Variants in KLF7 observed in about 807,000 individuals in gnomAD.
The protein encoded by KLF7 is KLF transcription factor 7.
In KLF7, 2 loss-of-function variants were observed where a neutral mutation model predicts 27.3. The ratio of observed to expected loss-of-function variants is 0.07; its 90% CI spans 0.03 to 0.23. KLF7 has a LOEUF of 0.23. Ranked by LOEUF, KLF7 falls within the 10% of genes least tolerant of loss-of-function variation. The pLI, the probability that KLF7 is intolerant of heterozygous loss-of-function variation, is 1.00. For missense variants in KLF7, 221 were observed against 394.1 expected (o/e 0.56, Z 3.72); for synonymous variants, 165 against 162.4 (o/e 1.02, Z -0.12).
chr2:207,117,068 G>A (rs904177178), intron 2 of KLF7, among the ~76,000 whole-genome samples: 14 of 152,042 alleles, frequency 9.2e-5, no homozygotes, highest in African/African-American at 3.4e-4. Context: ...CTTTCTCCTC[G>A]ATTCTTATTT....
upstream of KLF7, among the ~76,000 whole-genome samples, chr2:207,168,564 T>G (rs1458865695): frequency 6.6e-6 from 1 of 152,186 alleles, no homozygotes; most frequent in African/African-American, 2.4e-5. Context: ...AGTCAGTGTG[T>G]GTTTACAAAA....
upstream of KLF7, among the ~76,000 whole-genome samples, chr2:207,167,861 C>CT (rs2078753336): frequency 6.6e-6 from 1 of 152,214 alleles, no homozygotes; most frequent in East Asian, 1.9e-4. Context: ...AGCATAGTAT[C>CT]TGACACTATT....
intron 1 of KLF7, among the ~76,000 whole-genome samples, chr2:207,141,778 G>A (rs2077949706): frequency 1.3e-5 from 2 of 152,036 alleles, no homozygotes; most frequent in Non-Finnish European, 1.5e-5. Flanking sequence ...AAAAACAGAG[G>A]CATATTTGGG....
At chr2:207,149,239 C>T (rs2078176732) in intron 1 of KLF7, 1 of 980,038 alleles carries the variant, frequency 1.0e-6, no homozygotes, top group Non-Finnish European at 1.4e-6. Flanking sequence ...AAAGCAACAC[C>T]CCCACTCAGC....
chr2:207,157,317 A>G (rs1191428563), intron 1 of KLF7, among the ~76,000 whole-genome samples: 2 of 152,028 alleles, frequency 1.3e-5, no homozygotes, highest in Non-Finnish European at 2.9e-5. Flanking sequence ...TATGGAAATC[A>G]TAGCAGTTAC....
intron 1 of KLF7, among the ~76,000 whole-genome samples, chr2:207,155,521 GA>G (rs1448457534): frequency 1.3e-5 from 2 of 152,154 alleles, no homozygotes; most frequent in African/African-American, 2.4e-5. Flanking sequence ...GAGCCCTTCA[GA>G]ACAAAGGCTC....
At chr2:207,088,030 T>C (rs1171670937) in intron 3 of KLF7, among the ~76,000 whole-genome samples, 7 of 152,204 alleles carry the variant, frequency 4.6e-5, no homozygotes, top group African/African-American at 1.4e-4. Flanking sequence ...ATAGGAACCC[T>C]AACCTTCCTT....
Position 207,123,850 on chromosome 2 carries a change from G to A in KLF7, c.657C>T (p.His219=). 2.5e-6 allele frequency: 4 copies of A among 1,614,110 alleles called. No individual in the cohort carries two copies. Among genetic ancestry groups the A allele is most frequent in the Non-Finnish European group, 3.4e-6 (4 of 1,180,036 alleles). ...EACPENKKRV[H]RCQFNGCRKV... The stretch of plus-strand genomic sequence containing the variant: ...TCCGGCACCCGTTAAACTGACAGCG[G>A]TGAACCCTCTTCTTGTTTTCGGGAC... The change falls in exon 2 of 4, where the codon CAC becomes CAT. Residue 219 remains histidine (H), a synonymous_variant. Coordinates refer to ENST00000309446, the MANE Select transcript of KLF7 (RefSeq NM_003709.4).
intron 2 of KLF7, among the ~76,000 whole-genome samples, chr2:207,106,524 G>C (rs1233096400): frequency 6.6e-6 from 1 of 152,130 alleles, no homozygotes; most frequent in Non-Finnish European, 1.5e-5. Flanking sequence ...TGAGTGGATG[G>C]GCCATTCAGC....
chr2:207,092,763 G>GCATCTA (rs2105884333), intron 2 of KLF7, among the ~76,000 whole-genome samples: 1 of 152,270 alleles, frequency 6.6e-6, no homozygotes, highest in South Asian at 2.1e-4. Context: ...TTTTGAGCAT[G>GCATCTA]CATCTATGAT....
chr2:207,117,249 T>C (rs1320638835), intron 2 of KLF7, among the ~76,000 whole-genome samples: 1 of 152,234 alleles, frequency 6.6e-6, no homozygotes, highest in Non-Finnish European at 1.5e-5. Flanking sequence ...CATTAATTTA[T>C]CTTCATAAAT....
intron 1 of KLF7, 92 bp downstream of exon 1, chr2:207,165,375 A>T (rs1217633125): frequency 6.4e-7 from 1 of 1,559,932 alleles, no homozygotes; most frequent in East Asian, 2.3e-5. Flanking sequence ...TCAAACAAAC[A>T]AACAAAAATT....
At chr2:207,088,316 C>A in intron 3 of KLF7, 142 bp downstream of exon 3, 1 of 935,744 alleles carries the variant, frequency 1.1e-6, no homozygotes, top group South Asian at 2.1e-5. Flanking sequence ...CTCACTGGTC[C>A]TCTCCATGGA....
At chr2:207,173,737 C>G in the KLF7 span, 2 of 151,892 alleles carry the variant, frequency 1.3e-5, no homozygotes, top group African/African-American at 4.8e-5. Flanking sequence ...GGCGTGTGAC[C>G]CAGGAGACAA....
At position 207,145,515 on chromosome 2, in the gene KLF7, G is replaced by T. The variant is rs58231570; in HGVS notation, c.102+19952C>A. On this transcript the variant is annotated intron_variant, in intron 1 of 3. Coordinates refer to ENST00000309446, the MANE Select transcript of KLF7 (RefSeq NM_003709.4). ...CATAAATGAAATACAGGTGTCAGTT[G>T]TAAGTGTTCTCAATGTCTGTTCCAT... Among the ~76,000 whole-genome samples, 165 of 152,342 alleles carry T rather than the reference G, an allele frequency of 1.1e-3. 3 individuals are homozygous for T. In the East Asian group the frequency reaches 0.024, roughly 22 times the overall value.
chr2:207,170,745 T>C (rs551564686), upstream of KLF7, among the ~76,000 whole-genome samples: 5 of 152,206 alleles, frequency 3.3e-5, no homozygotes, highest in African/African-American at 1.2e-4. Context: ...TTACTAATAT[T>C]TTAAGCTCAC....
intron 3 of KLF7, among the ~76,000 whole-genome samples, chr2:207,083,014 T>C (rs868246006): frequency 1.3e-5 from 2 of 152,088 alleles, no homozygotes; most frequent in African/African-American, 4.8e-5. Context: ...AACAATCTAA[T>C]CCAATAACAT....
At chr2:207,138,874 T>C (rs1007791067) in intron 1 of KLF7, among the ~76,000 whole-genome samples, 1 of 152,242 alleles carries the variant, frequency 6.6e-6, no homozygotes, top group African/African-American at 2.4e-5. Flanking sequence ...TATTTCGATG[T>C]TTGTGTCTGT....
chr2:207,121,957 C>T (rs1306348105), intron 2 of KLF7: 4 of 152,232 alleles, frequency 2.6e-5, no homozygotes, highest in African/African-American at 9.7e-5. Flanking sequence ...TAATCATGAA[C>T]TCCACAGCCC....
Sources: allele counts gnomAD v4.1 joint callset (sites outside exome capture counted in the v4.1 genomes callset), GRCh38; gene constraint gnomAD v4.1.1; transcripts MANE v1.5; gene names NCBI Gene and HGNC (gene_info 2026-07-23, HGNC 2026-07-21).